PRIM2: variants seen among roughly 807,000 people sequenced by gnomAD.
The protein encoded by PRIM2 is DNA primase subunit 2.
Under a neutral mutation model 67.3 loss-of-function variants are expected in PRIM2, and 39 were observed. The ratio of observed to expected loss-of-function variants is 0.58; its 90% CI spans 0.45 to 0.76. The LOEUF is 0.76. Among genes scored for constraint, PRIM2 ranks in the 30% least tolerant of loss-of-function variants. PRIM2 has a pLI of 0.00. For missense variants in PRIM2, 398 were observed against 598.7 expected (o/e 0.66, Z 3.50); for synonymous variants, 143 against 198.7 (o/e 0.72, Z 2.36).
intron 7 of PRIM2, among the ~76,000 whole-genome samples, chr6:57,400,345 C>T (rs1022521902): frequency 6.6e-6 from 1 of 152,154 alleles, no homozygotes; most frequent in East Asian, 1.9e-4. Context: ...GATCATATTT[C>T]TCCTTCACTT....
At chr6:57,612,793 C>CT (rs1286246615) in intron 12 of PRIM2, among the ~76,000 whole-genome samples, 40,844 of 131,086 alleles carry the variant, frequency 0.31, 6,507 homozygotes, top group East Asian at 0.43. Flanking sequence ...TTCTTTTCGC[C>CT]TTTTTTTTTT....
chr6:57,323,397 C>T (rs567374392), intron 3 of PRIM2, among the ~76,000 whole-genome samples: 1 of 151,752 alleles, frequency 6.6e-6, no homozygotes, highest in Non-Finnish European at 1.5e-5. Flanking sequence ...GTGGTGAGCA[C>T]CTTGGATATA....
intron 7 of PRIM2, among the ~76,000 whole-genome samples, chr6:57,414,111 G>A (rs1404145302): frequency 1.2e-4 from 19 of 152,104 alleles, no homozygotes; most frequent in Admixed American, 5.2e-4. Flanking sequence ...ATAGGAAGAA[G>A]TTCTGTTGAG....
At chr6:57,442,940 ACTCCCCCAGC>A (rs1772246493) in intron 7 of PRIM2, among the ~76,000 whole-genome samples, 1 of 151,390 alleles carries the variant, frequency 6.6e-6, no homozygotes, top group Admixed American at 6.6e-5. Flanking sequence ...TATAACTCCC[ACTCCCCCAGC>A]CTCTGTAACT....
upstream of PRIM2, among the ~76,000 whole-genome samples, chr6:57,313,350 G>T (rs1300290217): frequency 1.3e-5 from 2 of 152,070 alleles, no homozygotes; most frequent in East Asian, 1.9e-4. Flanking sequence ...CCCATTAGAA[G>T]ATTTATAAGA....
chr6:57,223,897 CTA>C, the PRIM2 span, among the ~76,000 whole-genome samples: 2 of 151,944 alleles, frequency 1.3e-5, no homozygotes, highest in Non-Finnish European at 2.9e-5. Flanking sequence ...GGTACGGCCA[CTA>C]TGGAAAATTG....
At chr6:57,576,333 A>G (rs1300196591) in intron 10 of PRIM2, among the ~76,000 whole-genome samples, 80 of 151,938 alleles carry the variant, frequency 5.3e-4, no homozygotes, top group African/African-American at 1.9e-3. Context: ...ATCTTTTTCT[A>G]TTAGCATGTT....
At chr6:57,228,314 G>T in the PRIM2 span, among the ~76,000 whole-genome samples, 2 of 152,196 alleles carry the variant, frequency 1.3e-5, no homozygotes, top group Non-Finnish European at 2.9e-5. Context: ...TGAATAGTTT[G>T]ATGCACTTGC....
the PRIM2 span, among the ~76,000 whole-genome samples, chr6:57,288,968 G>A: frequency 6.6e-6 from 1 of 152,184 alleles, no homozygotes; most frequent in Non-Finnish European, 1.5e-5. Flanking sequence ...TGAGTTGACA[G>A]AAGTAGGCTT....
intron 5 of PRIM2, among the ~76,000 whole-genome samples, chr6:57,373,586 C>T (rs566695455): frequency 6.6e-6 from 1 of 152,238 alleles, no homozygotes. Context: ...TTAGGTTTTA[C>T]ATTTAAGTAT....
intron 10 of PRIM2, among the ~76,000 whole-genome samples, chr6:57,589,567 G>T (rs1259559796): frequency 1.4e-4 from 21 of 152,286 alleles, no homozygotes; most frequent in African/African-American, 5.1e-4. Flanking sequence ...GTTTGACTGA[G>T]ATTTGAATTA....
At position 57,325,920 on chromosome 6, in the gene PRIM2, T is replaced by A. The variant is rs1361532732; in HGVS notation, c.339-5T>A. Reference sequence around the variant, plus strand: ...TTGTACTCATAATTTCTGTCTTCATTTCAGTGAAGAACTTAGACGCTGGTT... The same window carrying A: ...TTGTACTCATAATTTCTGTCTTCATATCAGTGAAGAACTTAGACGCTGGTT... On this transcript the variant is annotated splice_region_variant and splice_polypyrimidine_tract_variant and intron_variant, in intron 4 of 13. Coordinates refer to ENST00000615550, the MANE Select transcript of PRIM2 (RefSeq NM_000947.5). 2.5e-6 allele frequency: 4 copies of A among 1,587,364 alleles called. No homozygotes were observed. In the South Asian group the frequency reaches 3.5e-5, roughly 14 times the overall value.
intron 5 of PRIM2, among the ~76,000 whole-genome samples, chr6:57,357,058 C>G (rs1769052274): frequency 6.6e-6 from 1 of 151,816 alleles, no homozygotes; most frequent in African/African-American, 2.4e-5. Flanking sequence ...CTCAGCCTCC[C>G]AAGTAGCTGG....
chr6:57,307,239 T>C, the PRIM2 span, among the ~76,000 whole-genome samples: 1 of 131,420 alleles, frequency 7.6e-6, no homozygotes, highest in Non-Finnish European at 1.6e-5. Flanking sequence ...AATAAAAAAA[T>C]AAATGCTAAT....
chr6:57,343,813 G>A (rs1581810702), intron 5 of PRIM2, among the ~76,000 whole-genome samples: 1 of 152,120 alleles, frequency 6.6e-6, no homozygotes, highest in African/African-American at 2.4e-5. Context: ...TATTCAAAGG[G>A]GCTACTATAA....
At chr6:57,257,696 T>G in the PRIM2 span, among the ~76,000 whole-genome samples, 1 of 152,230 alleles carries the variant, frequency 6.6e-6, no homozygotes, top group Non-Finnish European at 1.5e-5. Flanking sequence ...CTTTTCTAAC[T>G]GTACCCTGGG....
the PRIM2 span, among the ~76,000 whole-genome samples, chr6:57,276,910 T>G: frequency 2.0e-5 from 3 of 150,994 alleles, no homozygotes; most frequent in Non-Finnish European, 4.4e-5. Context: ...GATATAATGA[T>G]ATATGAAATG....
chr6:57,341,757 A>C (rs1052281787), intron 5 of PRIM2, among the ~76,000 whole-genome samples: 17 of 152,320 alleles, frequency 1.1e-4, no homozygotes, highest in African/African-American at 3.8e-4. Flanking sequence ...CATTTGTTTC[A>C]TGAGGTGGTG....
At chr6:57,468,446 T>C (rs2127400676) in intron 7 of PRIM2, among the ~76,000 whole-genome samples, 1 of 152,308 alleles carries the variant, frequency 6.6e-6, no homozygotes, top group East Asian at 1.9e-4. Context: ...GATTTTCGTG[T>C]GTTGAACCAG....
Sources: gnomAD v4.1 joint callset for allele counts (sites outside exome capture counted in the v4.1 genomes callset) on GRCh38, gnomAD v4.1.1 for gene constraint, MANE v1.5 for transcripts, NCBI Gene and HGNC (gene_info 2026-07-23, HGNC 2026-07-21) for gene names.